The following GABRB1 variants were observed in gnomAD, a reference collection of about 807,000 sequenced individuals.
The protein encoded by GABRB1 is gamma-aminobutyric acid type A receptor subunit beta1, also known as gamma-aminobutyric acid receptor subunit beta-1.
A neutral mutation model predicts 51.6 loss-of-function variants in GABRB1; 17 were observed. The ratio of observed to expected loss-of-function variants is 0.33; its 90% CI spans 0.23 to 0.49. The LOEUF (loss-of-function observed/expected upper bound fraction) is 0.49. GABRB1 is among the 20% of genes least tolerant of loss of function. The probability of loss-of-function intolerance (pLI) is 0.99; values close to 1 mark genes in which losing one functional copy is unlikely to be tolerated. For synonymous variants in GABRB1, 247 were observed against 218.9 expected (o/e 1.13, Z -1.14); for missense variants, 410 against 600.6 (o/e 0.68, Z 3.32).
chr4:47,001,388 C>T (rs1001824400), intron 1 of GABRB1, among the ~76,000 whole-genome samples: 12 of 152,274 alleles, frequency 7.9e-5, no homozygotes, highest in Admixed American at 2.0e-4. Flanking sequence ...GTGATTCTCC[C>T]GCCTTGGCCT....
chr4:47,241,419 G>T (rs1352245108), intron 4 of GABRB1, among the ~76,000 whole-genome samples: 1 of 152,122 alleles, frequency 6.6e-6, no homozygotes, highest in Non-Finnish European at 1.5e-5. Context: ...GACTGAGGAA[G>T]ACCACAAATG....
At chr4:47,339,378 A>G (rs1337982322) in intron 5 of GABRB1, among the ~76,000 whole-genome samples, 1 of 152,162 alleles carries the variant, frequency 6.6e-6, no homozygotes, top group East Asian at 1.9e-4. Flanking sequence ...CCAGCAAGAA[A>G]CTCAACAATT....
intron 1 of GABRB1, among the ~76,000 whole-genome samples, chr4:47,004,633 T>C (rs1220583784): frequency 2.0e-5 from 3 of 152,220 alleles, no homozygotes; most frequent in African/African-American, 7.2e-5. Flanking sequence ...AAAACACACC[T>C]TGCTTTTTGA....
At chr4:47,204,849 T>G (rs545820582) in intron 4 of GABRB1, among the ~76,000 whole-genome samples, 1 of 152,276 alleles carries the variant, frequency 6.6e-6, no homozygotes, top group Admixed American at 6.5e-5. Flanking sequence ...AATTGCCCAG[T>G]CTCAGGTTTA....
chr4:47,347,303 T>TTAA (rs974677120), intron 5 of GABRB1, among the ~76,000 whole-genome samples: 5 of 151,584 alleles, frequency 3.3e-5, no homozygotes, highest in Non-Finnish European at 4.4e-5. Flanking sequence ...ATAATAATAA[T>TTAA]TAATAATAAT....
chr4:47,110,772 G>A (rs1356585649), intron 3 of GABRB1, among the ~76,000 whole-genome samples: 3 of 152,086 alleles, frequency 2.0e-5, no homozygotes, highest in Admixed American at 6.6e-5. Context: ...TCTGTCAGTG[G>A]AATCTAAAAG....
At chr4:47,387,619 G>A (rs1266484432) in intron 5 of GABRB1, among the ~76,000 whole-genome samples, 1 of 152,182 alleles carries the variant, frequency 6.6e-6, no homozygotes, top group Non-Finnish European at 1.5e-5. Context: ...TGTGGAAAAA[G>A]CGAATTTGAA....
At chr4:47,214,808 C>T (rs1206874896) in intron 4 of GABRB1, among the ~76,000 whole-genome samples, 2 of 152,108 alleles carry the variant, frequency 1.3e-5, no homozygotes, top group East Asian at 3.9e-4. Context: ...GAGTACAAGG[C>T]TAACGAATGT....
intron 3 of GABRB1, among the ~76,000 whole-genome samples, chr4:47,148,868 T>C (rs748698932): frequency 1.3e-5 from 2 of 151,934 alleles, no homozygotes; most frequent in Non-Finnish European, 2.9e-5. Context: ...TAATGATTAA[T>C]TGCCATCCAT....
intron 3 of GABRB1, among the ~76,000 whole-genome samples, chr4:47,072,887 C>T (rs553315521): frequency 1.3e-5 from 2 of 152,228 alleles, no homozygotes; most frequent in South Asian, 4.1e-4. Flanking sequence ...ATTTAATCAG[C>T]ATTGTTAATG....
chr4:47,137,401 T>C (rs1458394915), intron 3 of GABRB1, among the ~76,000 whole-genome samples: 1 of 152,022 alleles, frequency 6.6e-6, no homozygotes, highest in African/African-American at 2.4e-5. Context: ...AGACAGGTGA[T>C]AAAATACCCC....
intron 4 of GABRB1, among the ~76,000 whole-genome samples, chr4:47,199,115 G>A (rs540378616): frequency 2.6e-4 from 40 of 152,240 alleles, no homozygotes; most frequent in East Asian, 7.7e-4. Flanking sequence ...TGTTGGAGGC[G>A]GGGCCTGGTT....
chr4:47,164,122 T>A (rs1718072983), intron 4 of GABRB1, among the ~76,000 whole-genome samples: 1 of 151,790 alleles, frequency 6.6e-6, no homozygotes, highest in African/African-American at 2.4e-5. Flanking sequence ...CATGGGGAAA[T>A]CACCCCTATG....
At chr4:47,074,198 A>G (rs1448833476) in intron 3 of GABRB1, among the ~76,000 whole-genome samples, 1 of 152,212 alleles carries the variant, frequency 6.6e-6, no homozygotes, top group Non-Finnish European at 1.5e-5. Flanking sequence ...CTACAAGCAA[A>G]TACACTAAAA....
chr4:47,262,358 A>G (rs984119210), intron 4 of GABRB1, among the ~76,000 whole-genome samples: 2 of 152,280 alleles, frequency 1.3e-5, no homozygotes, highest in Admixed American at 6.5e-5. Context: ...AAAAAAACAA[A>G]CAACCCCATC....
At chr4:47,241,507 G>A (rs1475317171) in intron 4 of GABRB1, among the ~76,000 whole-genome samples, 1 of 152,084 alleles carries the variant, frequency 6.6e-6, no homozygotes, top group African/African-American at 2.4e-5. Context: ...TGCTTCAGGC[G>A]ACATCATTTT....
At chr4:47,340,485 A>C (rs1221328268) in intron 5 of GABRB1, among the ~76,000 whole-genome samples, 1 of 152,176 alleles carries the variant, frequency 6.6e-6, no homozygotes, top group African/African-American at 2.4e-5. Context: ...ACAGTTCTAC[A>C]GTCCAAGATC....
chr4:47,192,283 G>C (rs2109784795), intron 4 of GABRB1, among the ~76,000 whole-genome samples: 1 of 152,206 alleles, frequency 6.6e-6, no homozygotes, highest in Admixed American at 6.5e-5. Context: ...CACCAATGCT[G>C]ATGATTATCC....
chr4:47,190,877 C>T (rs970017039), intron 4 of GABRB1, among the ~76,000 whole-genome samples: 2 of 152,186 alleles, frequency 1.3e-5, no homozygotes, highest in Admixed American at 1.3e-4. Flanking sequence ...AAAACTTAGT[C>T]TATGCCAATG....
Sources: allele counts gnomAD v4.1 joint callset (sites outside exome capture counted in the v4.1 genomes callset), GRCh38; gene constraint gnomAD v4.1.1; transcripts MANE v1.5; gene names NCBI Gene and HGNC (gene_info 2026-07-23, HGNC 2026-07-21).